The following PKHD1 variants were observed in gnomAD, a reference collection of about 807,000 sequenced individuals.
PKHD1 encodes PKHD1 ciliary IPT domain containing fibrocystin/polyductin.
In PKHD1, 291 loss-of-function variants were observed where a neutral mutation model predicts 412.0. The ratio of observed to expected loss-of-function variants is 0.71; its 90% CI spans 0.64 to 0.78. PKHD1 has a LOEUF of 0.78. Among genes scored for constraint, PKHD1 ranks in the 30% least tolerant of loss-of-function variants. The probability of loss-of-function intolerance (pLI) is 0.00; values close to 1 mark genes in which losing one functional copy is unlikely to be tolerated. For missense variants in PKHD1, 4,825 were observed against 4,950.7 expected, an observed-to-expected ratio of 0.97 and a Z score of 0.76; for synonymous variants, 1,777 against 1,821.5, an observed-to-expected ratio of 0.98 and a Z score of 0.62.
chr6:52,011,211 A>C (rs1314400514), intron 34 of PKHD1, among the ~76,000 whole-genome samples: 1 of 152,186 alleles, frequency 6.6e-6, no homozygotes, highest in African/African-American at 2.4e-5. Flanking sequence ...AAGTCTAAAA[A>C]TATGCCATCT....
rs1367999257 is a variant in PKHD1 at position 52,065,059 on chromosome 6, A to G, written c.881-9T>C. On this transcript the variant is annotated splice_polypyrimidine_tract_variant and intron_variant, in intron 12 of 66. Transcript: ENST00000371117. ...AATATCACATGGAATGCCTAAAGCG[A>G]ATTAAAGAAATTTATGTATGTGTGT... 6.7e-7 allele frequency: 1 copy of G among 1,498,754 alleles called. No individual in the cohort carries two copies. The highest frequency in any genetic ancestry group is 1.1e-5 in the South Asian group (1 of 88,684). The allele number at this position is 1,498,754 out of a possible 1,614,324, so 92.8% of individuals were successfully genotyped here.
At chr6:51,788,070 T>C (rs886806595) in intron 53 of PKHD1, among the ~76,000 whole-genome samples, 1 of 151,996 alleles carries the variant, frequency 6.6e-6, no homozygotes, top group Non-Finnish European at 1.5e-5. Context: ...AATAATTAAA[T>C]GAAGGGATAG....
At chr6:52,015,869 A>G (rs1800458686) in intron 34 of PKHD1, among the ~76,000 whole-genome samples, 2 of 152,198 alleles carry the variant, frequency 1.3e-5, no homozygotes, top group African/African-American at 4.8e-5. Context: ...GCCTACTGCA[A>G]TAGCCAGAAC....
At chr6:51,888,642 C>T (rs981824733) in intron 43 of PKHD1, among the ~76,000 whole-genome samples, 1 of 151,876 alleles carries the variant, frequency 6.6e-6, no homozygotes, top group Non-Finnish European at 1.5e-5. Flanking sequence ...CCACAGTCCT[C>T]ACCCTTCCTG....
chr6:51,715,178 T>C (rs1406252317), intron 60 of PKHD1, among the ~76,000 whole-genome samples: 2 of 152,146 alleles, frequency 1.3e-5, no homozygotes, highest in African/African-American at 4.8e-5. Flanking sequence ...CTCTTTTTTT[T>C]CTGAAAGCAA....
chr6:51,627,852 A>G (rs1243017240), intron 65 of PKHD1, among the ~76,000 whole-genome samples: 5 of 152,128 alleles, frequency 3.3e-5, no homozygotes, highest in African/African-American at 4.8e-5. Context: ...TATTTAATAA[A>G]TTCATTCATC....
intron 66 of PKHD1, chr6:51,621,826 G>T (rs140690489): frequency 2.0e-5 from 3 of 152,280 alleles, no homozygotes; most frequent in Non-Finnish European, 2.9e-5. Context: ...ACCTCCACAG[G>T]AAGCTTAGAT....
At chr6:51,997,111 C>G (rs912036048) in intron 35 of PKHD1, among the ~76,000 whole-genome samples, 1 of 152,170 alleles carries the variant, frequency 6.6e-6, no homozygotes, top group Non-Finnish European at 1.5e-5. Context: ...TTCTTCTGAA[C>G]TGTGCTCATG....
intron 60 of PKHD1, among the ~76,000 whole-genome samples, chr6:51,683,493 T>C (rs1776985497): frequency 1.3e-5 from 2 of 152,064 alleles, no homozygotes; most frequent in African/African-American, 4.8e-5. Flanking sequence ...AAAGTATACC[T>C]GATTAAGCAA....
intron 4 of PKHD1, among the ~76,000 whole-genome samples, chr6:52,081,427 T>A (rs932763872): frequency 6.6e-6 from 1 of 152,188 alleles, no homozygotes; most frequent in Non-Finnish European, 1.5e-5. Context: ...ATTAAACACA[T>A]CCCCTGCCCT....
intron 60 of PKHD1, among the ~76,000 whole-genome samples, chr6:51,727,361 T>C (rs1299344039): frequency 6.6e-6 from 1 of 152,092 alleles, no homozygotes; most frequent in Non-Finnish European, 1.5e-5. Flanking sequence ...CAGAGGGATA[T>C]AAGGCAGAAA....
rs148578833 is a variant in PKHD1 at position 51,983,111 on chromosome 6, A to G, written c.5752-23085T>C. Among the ~76,000 whole-genome samples, 56 of 152,288 alleles carry G rather than the reference A, an allele frequency of 3.7e-4. 1 individual carries two copies. The South Asian group carries it at 3.9e-3, about 11-fold the overall frequency. On this transcript the variant is annotated intron_variant, in intron 35 of 66. Transcript: ENST00000371117. ...AGTCGTTGTCAAATTTGTAATTGGT[A>G]GCTCCATTATTAATTAATTTGTCAG... is the stretch of plus-strand genomic sequence containing the variant.
chr6:51,635,411 T>C (rs1357304737), intron 64 of PKHD1, among the ~76,000 whole-genome samples: 1 of 152,180 alleles, frequency 6.6e-6, no homozygotes, highest in Non-Finnish European at 1.5e-5. Context: ...TTTTTAAAAC[T>C]GCAATCTTAA....
intron 52 of PKHD1, among the ~76,000 whole-genome samples, chr6:51,804,102 C>G (rs1456019261): frequency 6.6e-6 from 1 of 151,316 alleles, no homozygotes; most frequent in Non-Finnish European, 1.5e-5. Context: ...TGGCAAAGCC[C>G]AGGCAACATT....
intron 35 of PKHD1, among the ~76,000 whole-genome samples, chr6:51,978,439 G>A (rs544362376): frequency 6.6e-6 from 1 of 152,294 alleles, no homozygotes; most frequent in Non-Finnish European, 1.5e-5. Context: ...ACTTGCAGGG[G>A]ATGGACTAGA....
intron 53 of PKHD1, among the ~76,000 whole-genome samples, chr6:51,782,037 T>G (rs570252948): frequency 9.3e-6 from 1 of 107,988 alleles, no homozygotes; most frequent in Non-Finnish European, 2.1e-5. Context: ...AATTAAATAG[T>G]TTATAATAAA....
intron 60 of PKHD1, among the ~76,000 whole-genome samples, chr6:51,671,587 G>A: frequency 6.6e-6 from 1 of 152,138 alleles, no homozygotes; most frequent in Non-Finnish European, 1.5e-5. Flanking sequence ...TCCATTGCTG[G>A]TGAGGAACTG....
chr6:51,897,658 T>C (rs1394959550), intron 43 of PKHD1, among the ~76,000 whole-genome samples: 1 of 145,560 alleles, frequency 6.9e-6, no homozygotes, highest in Non-Finnish European at 1.5e-5. Context: ...AATTCACACA[T>C]AACAATATTA....
At chr6:51,863,980 A>G (rs955935801) in intron 48 of PKHD1, among the ~76,000 whole-genome samples, 47 of 152,310 alleles carry the variant, frequency 3.1e-4, no homozygotes, top group African/African-American at 1.1e-3. Flanking sequence ...CAGACGGACA[A>G]TTTAGAAAGC....
Sources: allele counts gnomAD v4.1 joint callset (sites outside exome capture counted in the v4.1 genomes callset), GRCh38; gene constraint gnomAD v4.1.1; transcripts MANE v1.5; gene names NCBI Gene and HGNC (gene_info 2026-07-23, HGNC 2026-07-21).